PLEKHA5: variants seen among roughly 807,000 people sequenced by gnomAD.
The protein encoded by PLEKHA5 is pleckstrin homology domain containing A5.
A neutral mutation model predicts 181.9 loss-of-function variants in PLEKHA5; 55 were observed. That is an observed-to-expected ratio of 0.30 (90% CI 0.24 to 0.38). The LOEUF is 0.38. Among genes scored for constraint, PLEKHA5 ranks in the 10% least tolerant of loss-of-function variants. The pLI is 1.00. For synonymous variants in PLEKHA5, 535 were observed against 529.4 expected, an observed-to-expected ratio of 1.01 and a Z score of -0.15; for missense variants, 1,432 against 1,549.5, an observed-to-expected ratio of 0.92 and a Z score of 1.27.
chr12:19,172,964 G>GTTT (rs33953502), intron 3 of PLEKHA5, among the ~76,000 whole-genome samples: 1 of 114,758 alleles, frequency 8.7e-6, no homozygotes, highest in African/African-American at 3.4e-5. Flanking sequence ...GAAAAAAGTT[G>GTTT]TTTTTTTTTT....
intron 3 of PLEKHA5, among the ~76,000 whole-genome samples, chr12:19,197,192 G>A (rs993668903): frequency 6.6e-6 from 1 of 152,078 alleles, no homozygotes; most frequent in Admixed American, 6.6e-5. Context: ...TGACTTCTAT[G>A]ACATCATACC....
chr12:19,306,626 G>A (rs1259962469), intron 15 of PLEKHA5: 3 of 1,086,332 alleles, frequency 2.8e-6, no homozygotes, highest in East Asian at 2.4e-5. Context: ...TGGCGGCGGT[G>A]GAGGCGGCGG....
intron 13 of PLEKHA5, among the ~76,000 whole-genome samples, chr12:19,288,994 T>G (rs2077821132): frequency 6.6e-6 from 1 of 152,224 alleles, no homozygotes; most frequent in Admixed American, 6.5e-5. Flanking sequence ...CAGTATTCCT[T>G]GCGGTATCAC....
At chr12:19,157,772 G>T (rs774376407) in intron 3 of PLEKHA5, among the ~76,000 whole-genome samples, 46 of 151,942 alleles carry the variant, frequency 3.0e-4, no homozygotes, top group African/African-American at 1.1e-3. Flanking sequence ...GAATCAGGTG[G>T]GTCAGCATTC....
chr12:19,275,905 TACTC>T (rs1228297289), intron 11 of PLEKHA5, among the ~76,000 whole-genome samples: 1 of 152,228 alleles, frequency 6.6e-6, no homozygotes, highest in Non-Finnish European at 1.5e-5. Flanking sequence ...ACAGTCCAGA[TACTC>T]ACAGAGATAA....
At chr12:19,193,226 C>G (rs1315026477) in intron 3 of PLEKHA5, among the ~76,000 whole-genome samples, 1 of 152,076 alleles carries the variant, frequency 6.6e-6, no homozygotes, top group African/African-American at 2.4e-5. Context: ...GAAGGAAAGT[C>G]TTAATACTTA....
chr12:19,372,363 C>T (rs890697153), intron 31 of PLEKHA5: 6 of 150,660 alleles, frequency 4.0e-5, no homozygotes, highest in Admixed American at 2.0e-4. Flanking sequence ...TGCCTATTCG[C>T]GTCATTTGCC....
At chr12:19,286,146 C>A (rs7965006) in intron 12 of PLEKHA5, among the ~76,000 whole-genome samples, 4 of 151,954 alleles carry the variant, frequency 2.6e-5, no homozygotes, top group African/African-American at 9.7e-5. Context: ...TAAAGATTGG[C>A]GGTGATATTA....
chr12:19,361,359 A>G (rs2095235784), intron 28 of PLEKHA5, among the ~76,000 whole-genome samples: 1 of 150,382 alleles, frequency 6.6e-6, no homozygotes, highest in Non-Finnish European at 1.5e-5. Context: ...ATTTTTTTGT[A>G]TTTTCAGTAG....
intron 15 of PLEKHA5, among the ~76,000 whole-genome samples, chr12:19,299,405 T>C (rs2080833613): frequency 6.6e-6 from 1 of 152,236 alleles, no homozygotes; most frequent in Non-Finnish European, 1.5e-5. Context: ...TACCATTTAG[T>C]CAGCAAATCT....
At chr12:19,202,584 AAAC>A (rs1436462743) in intron 3 of PLEKHA5, among the ~76,000 whole-genome samples, 1 of 104,770 alleles carries the variant, frequency 9.5e-6, no homozygotes, top group Non-Finnish European at 2.2e-5. Context: ...ATGGTAAACA[AAAC>A]AACAACAGAT....
chr12:19,232,312 C>G (rs2152393113), intron 3 of PLEKHA5, among the ~76,000 whole-genome samples: 1 of 152,052 alleles, frequency 6.6e-6, no homozygotes, highest in African/African-American at 2.4e-5. Flanking sequence ...GGGTAGATCT[C>G]TCTGAGAAGG....
At chr12:19,354,672 C>G (rs1360421484) in intron 26 of PLEKHA5, among the ~76,000 whole-genome samples, 2 of 151,070 alleles carry the variant, frequency 1.3e-5, no homozygotes, top group Non-Finnish European at 2.9e-5. Flanking sequence ...TTATTAGAGA[C>G]AGGGTTTCAC....
At chr12:19,196,797 T>C (rs892566994) in intron 3 of PLEKHA5, among the ~76,000 whole-genome samples, 1 of 117,404 alleles carries the variant, frequency 8.5e-6, no homozygotes, top group African/African-American at 2.9e-5. Context: ...TTAACTTGTT[T>C]TTTCTTTTTT....
chr12:19,210,321 A>C (rs1254223906), intron 3 of PLEKHA5, among the ~76,000 whole-genome samples: 1 of 152,228 alleles, frequency 6.6e-6, no homozygotes, highest in Non-Finnish European at 1.5e-5. Context: ...TTTTAAAAGT[A>C]TAAGTTCAAA....
intron 3 of PLEKHA5, among the ~76,000 whole-genome samples, chr12:19,133,696 A>G (rs1452008404): frequency 6.6e-6 from 1 of 152,012 alleles, no homozygotes; most frequent in East Asian, 1.9e-4. Flanking sequence ...TTTTGGATGT[A>G]GAAATAGAGA....
chr12:19,287,434 A>G (rs748226293), intron 12 of PLEKHA5, 39 bp from the exon 13 acceptor site: 1 of 1,261,994 alleles, frequency 7.9e-7, no homozygotes, highest in East Asian at 2.3e-5. Flanking sequence ...GAAAAAAAAA[A>G]CTTTACCACA....
Position 19,132,469 on chromosome 12 carries a change from AT to A in PLEKHA5, c.227+26del, listed in dbSNP as rs761458734. On this transcript the variant is annotated intron_variant, in intron 3 of 31. Coordinates refer to ENST00000429027, the MANE Select transcript of PLEKHA5 (RefSeq NM_001256470.2). The stretch of plus-strand genomic sequence containing the variant: ...ATATAAAGTGAGTTTTTTGACTTTC[AT>A]TTTTTTCCTTCGTAATTAGAATGCT... 50 of 1,339,248 alleles carry A rather than the reference AT, an allele frequency of 3.7e-5. 1 individual carries two copies. The South Asian group carries it at 4.5e-4, about 12-fold the overall frequency. The allele number at this position is 1,339,248 out of a possible 1,614,324, so 83.0% of individuals were successfully genotyped here. A position where few individuals can be genotyped will look rare whatever the true frequency, so the allele number is the denominator to read the frequency against.
At chr12:19,271,207 G>A (rs1565546169) in intron 10 of PLEKHA5, among the ~76,000 whole-genome samples, 1 of 152,186 alleles carries the variant, frequency 6.6e-6, no homozygotes, top group Non-Finnish European at 1.5e-5. Context: ...TGTAGGTGAA[G>A]AGAATTCATT....
Sources: allele counts gnomAD v4.1 joint callset (sites outside exome capture counted in the v4.1 genomes callset), GRCh38; gene constraint gnomAD v4.1.1; transcripts MANE v1.5; gene names NCBI Gene and HGNC (gene_info 2026-07-23, HGNC 2026-07-21).